SCAP: variants seen among roughly 807,000 people sequenced by gnomAD.
The protein encoded by SCAP is SREBF chaperone.
SCAP carries 65 observed loss-of-function variants against 123.6 expected under a neutral mutation model. That is an observed-to-expected ratio of 0.53 (90% confidence interval 0.43 to 0.65). The LOEUF is 0.65. Among genes scored for constraint, SCAP ranks in the 30% least tolerant of loss-of-function variants. SCAP has a pLI of 0.00. For missense variants in SCAP, 1,398 were observed against 1,712.5 expected, an observed-to-expected ratio of 0.82 and a Z score of 3.24; for synonymous variants, 740 against 726.3, an observed-to-expected ratio of 1.02 and a Z score of -0.30.
intron 3 of SCAP, 81 bp from the exon 4 acceptor site, chr3:47,428,751 G>A (rs1199740999): frequency 1.3e-6 from 2 of 1,490,564 alleles, no homozygotes; most frequent in Non-Finnish European, 1.8e-6. Context: ...GGATTTAATG[G>A]GCATTGGAAA....
At chr3:47,440,212 A>G (rs1179402695) in intron 2 of SCAP, among the ~76,000 whole-genome samples, 8 of 152,330 alleles carry the variant, frequency 5.3e-5, no homozygotes, top group African/African-American at 1.9e-4. Context: ...TGGAAACTGA[A>G]TGTCTAGCAA....
intron 2 of SCAP, among the ~76,000 whole-genome samples, chr3:47,441,084 T>A (rs1442317744): frequency 6.6e-6 from 1 of 151,924 alleles, no homozygotes; most frequent in South Asian, 2.1e-4. Context: ...GCATTTTTAG[T>A]AGAGACGAGG....
At chr3:47,455,595 A>AG (rs1451646483) in intron 1 of SCAP, among the ~76,000 whole-genome samples, 3 of 135,566 alleles carry the variant, frequency 2.2e-5, no homozygotes, top group African/African-American at 2.9e-5. Flanking sequence ...ACTCCACCTC[A>AG]AAAAAAAAAA....
At chr3:47,460,715 G>A (rs953566622) in intron 1 of SCAP, among the ~76,000 whole-genome samples, 1 of 152,030 alleles carries the variant, frequency 6.6e-6, no homozygotes, top group Non-Finnish European at 1.5e-5. Flanking sequence ...CTGCCACTGT[G>A]CCCAGCTAAT....
chr3:47,444,400 A>G (rs972227104), intron 1 of SCAP, among the ~76,000 whole-genome samples: 4 of 152,236 alleles, frequency 2.6e-5, no homozygotes, highest in Non-Finnish European at 4.4e-5. Flanking sequence ...TCAAAAGCCA[A>G]AAGGAATGCC....
rs755888712 is a variant in SCAP at position 47,418,207 on chromosome 3, A to T, written c.2374T>A (p.Cys792Ser). The T allele has an allele frequency of 1.3e-6, 2 of 1,575,172 alleles. No homozygotes were observed. The highest frequency in any genetic ancestry group is 4.7e-5 in the East Asian group (2 of 42,764). The change falls in exon 16 of 23, where the codon TGC becomes AGC. Residue 792 changes from cysteine (C) to serine (S), a missense_variant. Cys to Ser is a moderately radical substitution (Grantham distance 112, BLOSUM62 -1). Around this residue, in one of 7 missense-constraint regions of SCAP, gnomAD observed 828 missense variants for 882.5 expected, o/e 0.94. Coordinates refer to ENST00000265565, the MANE Select transcript of SCAP (RefSeq NM_012235.4). ...LASDGMLLVS[C>S]CLAGHVCVWD... ...ACGCAGACGTGGCCTGCCAGGCAGC[A>T]GCTCACCAGCAGCATGCCGTCGCTG...
chr3:47,425,416 A>C (rs1188082574), intron 8 of SCAP, 69 bp downstream of exon 8: 1 of 1,528,184 alleles, frequency 6.5e-7, no homozygotes, highest in Non-Finnish European at 8.8e-7. Context: ...GAAGGCCAAG[A>C]ACCCAGAAGT....
rs200597020 is a variant in SCAP, at chr3:47,419,470, G to A, written c.1798C>T (p.Arg600Cys). The part of the protein sequence containing the change: ...NQTSPGESPE[R>C]GGPAEVVHDS... The stretch of plus-strand genomic sequence containing the variant: ...TGGACAACCTCTGCTGGACCTCCAC[G>A]CTCAGGTGACTCGCCTGGCGACGTC... The change falls in exon 13 of 23, where the codon CGT becomes TGT. Residue 600 changes from arginine to cysteine, a missense_variant. Physicochemically the swap from Arg to Cys is radical, Grantham distance 180. Coordinates refer to ENST00000265565, the MANE Select transcript of SCAP (RefSeq NM_012235.4). The surrounding 1 kb of genome is among the most constrained non-coding windows in gnomAD (Gnocchi z 5.0). 2.0e-5 allele frequency: 32 copies of A among 1,613,854 alleles called. No homozygotes were observed. The highest frequency in any genetic ancestry group is 2.2e-5 in the East Asian group (1 of 44,888).
chr3:47,427,779 G>C, intron 4 of SCAP, 112 bp from the exon 5 acceptor site: 1 of 951,198 alleles, frequency 1.1e-6, no homozygotes, highest in South Asian at 1.7e-5. Flanking sequence ...TTGCTCTCTG[G>C]TATCGCCAAA....
chr3:47,439,161 G>C lies in SCAP; in HGVS notation c.122+3711C>G, dbSNP rs541446143. On this transcript the variant is annotated intron_variant, in intron 2 of 22. Transcript: ENST00000265565. The surrounding 1 kb of genome is among the most constrained non-coding windows in gnomAD (Gnocchi z 4.0). Reference sequence around the variant, plus strand: ...AGGTGGCTTATGCCTATAATCCCAGGACTTTGGGAGGCTGAAGTGGGCAGG... The same window carrying C: ...AGGTGGCTTATGCCTATAATCCCAGCACTTTGGGAGGCTGAAGTGGGCAGG... Among the ~76,000 whole-genome samples the C allele has an allele frequency of 2.0e-5, 3 of 152,110 alleles. 1 individual carries two copies. The East Asian group carries it at 5.8e-4, about 30-fold the overall frequency.
chr3:47,414,826 C>G lies in SCAP; in HGVS notation c.3306+1G>C, dbSNP rs1452027770. 1 of 1,604,502 alleles carries G rather than the reference C, an allele frequency of 6.2e-7. No homozygotes were observed. Reference sequence around the variant, plus strand: ...CACCCAAGAGACAAGACAATACTCACTCTCAGTGTGTGGTCTTGGCTCCCA... The same window carrying G: ...CACCCAAGAGACAAGACAATACTCAGTCTCAGTGTGTGGTCTTGGCTCCCA... On this transcript the variant is annotated splice_donor_variant, in intron 20 of 22. Coordinates refer to ENST00000265565, the MANE Select transcript of SCAP (RefSeq NM_012235.4). LOFTEE classifies it high-confidence loss of function.
chr3:47,456,069 A>G (rs1707414056), intron 1 of SCAP, among the ~76,000 whole-genome samples: 1 of 152,242 alleles, frequency 6.6e-6, no homozygotes, highest in African/African-American at 2.4e-5. Context: ...ACAAATGGGT[A>G]GCCACGGAAA....
chr3:47,438,041 G>A (rs141576521), intron 2 of SCAP, among the ~76,000 whole-genome samples: 27 of 152,202 alleles, frequency 1.8e-4, no homozygotes, highest in Non-Finnish European at 2.9e-4. Context: ...TCCAATTAAT[G>A]TTAACCATTT....
In SCAP at chr3:47,420,490, C is replaced by T; in HGVS notation, c.1563+64G>A. 7.0e-7 allele frequency: 1 copy of T among 1,429,250 alleles called. No individual in the cohort carries two copies. The highest frequency in any genetic ancestry group is 9.4e-7 in the Non-Finnish European group (1 of 1,059,876). The allele number at this position is 1,429,250 out of a possible 1,614,324, so 88.5% of individuals were successfully genotyped here. A position where few individuals can be genotyped will look rare whatever the true frequency, so the allele number is the denominator to read the frequency against. On this transcript the variant is annotated intron_variant, in intron 12 of 22. Coordinates refer to ENST00000265565, the MANE Select transcript of SCAP (RefSeq NM_012235.4). The surrounding 1 kb of genome is among the most constrained non-coding windows in gnomAD (Gnocchi z 5.0). ...TGCCACTCTAAGGCCAAGTGCAGCA[C>T]CACAAGGGGCCTGGAGCACCGGCCC... is the stretch of plus-strand genomic sequence containing the variant.
intron 1 of SCAP, among the ~76,000 whole-genome samples, chr3:47,470,967 A>G (rs1488648919): frequency 6.6e-6 from 1 of 152,198 alleles, no homozygotes; most frequent in Non-Finnish European, 1.5e-5. Flanking sequence ...CTCCCCCCAA[A>G]AAAAAGTATA....
At chr3:47,438,765 G>T (rs1399686011) in intron 2 of SCAP, among the ~76,000 whole-genome samples, 1 of 151,140 alleles carries the variant, frequency 6.6e-6, no homozygotes, top group Non-Finnish European at 1.5e-5. Flanking sequence ...AGTGAGCCAA[G>T]ATCATGCCAT....
chr3:47,473,080 C>CAAAAAAAAAAAAAAATAAAAAAAAAAAA (rs1708095919), intron 1 of SCAP, among the ~76,000 whole-genome samples: 1 of 38,060 alleles, frequency 2.6e-5, no homozygotes, highest in Non-Finnish European at 4.3e-5. Context: ...AACTCCATCT[C>CAAAAAAAAAAAAAAATAAAAAAAAAAAA]AAAAAAAAAA....
In SCAP at chr3:47,419,575, T is replaced by C. The variant is rs755480676; in HGVS notation, c.1693A>G (p.Ser565Gly). The C allele has an allele frequency of 3.9e-5, 63 of 1,611,784 alleles. No individual in the cohort carries two copies. The highest frequency in any genetic ancestry group is 5.1e-5 in the Non-Finnish European group (60 of 1,178,700). The stretch of plus-strand genomic sequence containing the variant: ...GGGTGGCTGGGGGGCAGCATGCCAC[T>C]AGGCACGGGCATGGGAGCCAGGGCT... ...EGALAPMPVP[S>G]GMLPPSHPDP... The change falls in exon 13 of 23, where the codon AGT becomes GGT. Residue 565 changes from serine (S) to glycine (G), a missense_variant. This residue lies in a region of SCAP where 828 missense variants were observed against 882.5 expected (regional missense o/e 0.94). Transcript: ENST00000265565. The surrounding 1 kb of genome is among the most constrained non-coding windows in gnomAD (Gnocchi z 5.0).
chr3:47,447,084 T>C (rs1707071807), intron 1 of SCAP, among the ~76,000 whole-genome samples: 1 of 152,172 alleles, frequency 6.6e-6, no homozygotes, highest in African/African-American at 2.4e-5. Context: ...CTTCCTCCAT[T>C]GAATTGCTTG....
Sources: allele counts gnomAD v4.1 joint callset (sites outside exome capture counted in the v4.1 genomes callset), GRCh38; gene constraint gnomAD v4.1.1; regional missense constraint gnomAD v4.1.1; non-coding constraint Gnocchi (gnomAD v3.1); transcripts MANE v1.5; gene names NCBI Gene and HGNC (gene_info 2026-07-23, HGNC 2026-07-21).